CNTNAP2: variants seen among roughly 807,000 people sequenced by gnomAD.
CNTNAP2 encodes the protein contactin associated protein 2, also known as contactin-associated protein-like 2.
A neutral mutation model predicts 155.2 loss-of-function variants in CNTNAP2; 98 were observed. The observed-to-expected ratio is 0.63, with a 90% CI of 0.54 to 0.75. The LOEUF (loss-of-function observed/expected upper bound fraction) is 0.75. Ranked by LOEUF, CNTNAP2 falls within the 30% of genes least tolerant of loss-of-function variation. The probability of loss-of-function intolerance (pLI) is 0.00; values close to 1 mark genes in which losing one functional copy is unlikely to be tolerated. For synonymous variants in CNTNAP2, 651 were observed against 631.2 expected (o/e 1.03, Z -0.47); for missense variants, 1,727 against 1,688.1 (o/e 1.02, Z -0.40).
At chr7:146,349,241 G>A (rs1461208327) in intron 1 of CNTNAP2, among the ~76,000 whole-genome samples, 2 of 149,930 alleles carry the variant, frequency 1.3e-5, no homozygotes, top group Non-Finnish European at 2.9e-5. Context: ...ATGGTAGGAT[G>A]TGGGTGGGGA....
intron 1 of CNTNAP2, among the ~76,000 whole-genome samples, chr7:146,458,089 T>C (rs754622981): frequency 1.2e-4 from 18 of 151,912 alleles, no homozygotes; most frequent in Non-Finnish European, 2.6e-4. Context: ...CATTTACAAG[T>C]GGGAGTTAAC....
intron 1 of CNTNAP2, among the ~76,000 whole-genome samples, chr7:146,756,733 C>T (rs1456202365): frequency 6.6e-6 from 1 of 152,046 alleles, no homozygotes; most frequent in East Asian, 1.9e-4. Flanking sequence ...TCCTCTAATT[C>T]TAAATATCAG....
chr7:146,659,712 A>G (rs760798606), intron 1 of CNTNAP2, among the ~76,000 whole-genome samples: 2 of 152,238 alleles, frequency 1.3e-5, no homozygotes, highest in Non-Finnish European at 2.9e-5. Context: ...ATCACGTCTT[A>G]ATAACTTTGA....
intron 4 of CNTNAP2, among the ~76,000 whole-genome samples, chr7:147,048,469 G>A (rs1044807290): frequency 4.6e-5 from 7 of 152,086 alleles, no homozygotes; most frequent in Non-Finnish European, 1.0e-4. Flanking sequence ...ACAAATTTCT[G>A]TTATTTTAAG....
At chr7:146,662,012 T>C (rs1800098592) in intron 1 of CNTNAP2, among the ~76,000 whole-genome samples, 1 of 152,202 alleles carries the variant, frequency 6.6e-6, no homozygotes, top group Non-Finnish European at 1.5e-5. Context: ...GTAGTGTTTT[T>C]TTAATGTAGT....
At chr7:146,792,759 A>C (rs1414296819) in intron 2 of CNTNAP2, among the ~76,000 whole-genome samples, 4 of 152,190 alleles carry the variant, frequency 2.6e-5, no homozygotes, top group Non-Finnish European at 5.9e-5. Context: ...CCCAACCATA[A>C]ATTTGGAGAT....
intron 20 of CNTNAP2, among the ~76,000 whole-genome samples, chr7:148,234,903 A>G (rs944307649): frequency 2.0e-5 from 3 of 152,222 alleles, no homozygotes; most frequent in African/African-American, 7.2e-5. Context: ...TATTCTCTAC[A>G]AATCAAATGA....
At chr7:147,187,659 C>T (rs1443631255) in intron 8 of CNTNAP2, among the ~76,000 whole-genome samples, 2 of 152,140 alleles carry the variant, frequency 1.3e-5, no homozygotes, top group East Asian at 3.9e-4. Context: ...GGATACTCTG[C>T]TCACTACCAG....
chr7:148,146,593 G>A (rs976047556), intron 16 of CNTNAP2, among the ~76,000 whole-genome samples: 1 of 152,202 alleles, frequency 6.6e-6, no homozygotes, highest in Non-Finnish European at 1.5e-5. Flanking sequence ...CTAGAGGGTA[G>A]GTTATGAGAA....
At chr7:146,585,961 T>C (rs1031880890) in intron 1 of CNTNAP2, among the ~76,000 whole-genome samples, 2 of 151,788 alleles carry the variant, frequency 1.3e-5, no homozygotes, top group African/African-American at 4.8e-5. Context: ...ACCATGATGA[T>C]GCCACTGAAC....
chr7:147,556,681 T>C (rs1000090477), intron 11 of CNTNAP2, among the ~76,000 whole-genome samples: 1 of 152,226 alleles, frequency 6.6e-6, no homozygotes, highest in South Asian at 2.1e-4. Context: ...GTATATAGAT[T>C]TCCCCCCTAG....
intron 1 of CNTNAP2, among the ~76,000 whole-genome samples, chr7:146,629,949 T>C (rs1376164024): frequency 6.6e-6 from 1 of 152,174 alleles, no homozygotes; most frequent in African/African-American, 2.4e-5. Context: ...AGAAATTTTA[T>C]TTTATAAAAT....
chr7:148,052,619 GA>G (rs1001626558), intron 15 of CNTNAP2, among the ~76,000 whole-genome samples: 9 of 152,074 alleles, frequency 5.9e-5, no homozygotes, highest in Non-Finnish European at 1.2e-4. Context: ...CCACATGCAA[GA>G]TTTTTTTTAC....
intron 21 of CNTNAP2, among the ~76,000 whole-genome samples, chr7:148,314,507 G>A (rs1797652185): frequency 1.3e-5 from 2 of 152,154 alleles, no homozygotes; most frequent in Admixed American, 6.5e-5. Context: ...GGCTAAGGGA[G>A]AAGAAGGGGG....
At chr7:147,860,988 G>A (rs1799124797) in intron 13 of CNTNAP2, among the ~76,000 whole-genome samples, 1 of 152,150 alleles carries the variant, frequency 6.6e-6, no homozygotes. Flanking sequence ...TCCTCAAGTG[G>A]ATAAAAACAA....
chr7:147,524,462 A>C (rs1799283526), intron 11 of CNTNAP2, among the ~76,000 whole-genome samples: 1 of 152,220 alleles, frequency 6.6e-6, no homozygotes. Flanking sequence ...TTCACAGAAG[A>C]CTAAAATATA....
chr7:146,986,666 A>G (rs1040925261), intron 3 of CNTNAP2, among the ~76,000 whole-genome samples: 2 of 152,036 alleles, frequency 1.3e-5, no homozygotes, highest in African/African-American at 2.4e-5. Flanking sequence ...GCCAACATCT[A>G]TGATTTTTTG....
intron 14 of CNTNAP2, among the ~76,000 whole-genome samples, chr7:147,964,494 C>T (rs1267109672): frequency 2.0e-5 from 3 of 152,116 alleles, no homozygotes; most frequent in Non-Finnish European, 4.4e-5. Flanking sequence ...TGCAAAAGCA[C>T]GTGGCAATTT....
Position 147,629,678 on chromosome 7 carries a change from C to G in CNTNAP2, c.1898-9428C>G, listed in dbSNP as rs1204774246. On this transcript the variant is annotated intron_variant, in intron 12 of 23. Transcript: ENST00000361727. The stretch of plus-strand genomic sequence containing the variant: ...AGTGGAAATTAACTCCAAAAGGAAC[C>G]CTCAAAACTATACAAATACTTGGAA... Among the ~76,000 whole-genome samples the G allele has an allele frequency of 4.0e-5, 6 of 151,730 alleles. No individual in the cohort carries two copies. In the East Asian group the frequency reaches 1.2e-3, roughly 29 times the overall value.
Sources: gnomAD v4.1 joint callset for allele counts (sites outside exome capture counted in the v4.1 genomes callset) on GRCh38, gnomAD v4.1.1 for gene constraint, MANE v1.5 for transcripts, NCBI Gene and HGNC (gene_info 2026-07-23, HGNC 2026-07-21) for gene names.